Variants in GABBR2 observed in about 807,000 individuals in gnomAD.
GABBR2 encodes gamma-aminobutyric acid type B receptor subunit 2.
A neutral mutation model predicts 105.6 loss-of-function variants in GABBR2; 23 were observed. The observed-to-expected ratio is 0.22, with a 90% confidence interval of 0.16 to 0.31. The LOEUF is 0.31. Among genes scored for constraint, GABBR2 ranks in the 10% least tolerant of loss-of-function variants. The pLI, the probability that GABBR2 is intolerant of heterozygous loss-of-function variation, is 1.00. For missense variants in GABBR2, 734 were observed against 1,245.5 expected (o/e 0.59, Z 6.18); for synonymous variants, 478 against 499.7 (o/e 0.96, Z 0.58).
chr9:98,510,955 C>A (rs11787931), intron 3 of GABBR2, among the ~76,000 whole-genome samples: 16 of 151,774 alleles, frequency 1.1e-4, no homozygotes, highest in African/African-American at 3.4e-4. Context: ...AATATACATT[C>A]TTTTCAGCAC....
chr9:98,628,784 A>C (rs962930101), intron 1 of GABBR2, among the ~76,000 whole-genome samples: 3 of 152,026 alleles, frequency 2.0e-5, no homozygotes, highest in Non-Finnish European at 4.4e-5. Flanking sequence ...TATATGATGG[A>C]GTGTGTGTCC....
intron 1 of GABBR2, among the ~76,000 whole-genome samples, chr9:98,598,513 G>T (rs1020100494): frequency 5.4e-4 from 82 of 152,016 alleles, no homozygotes; most frequent in African/African-American, 1.7e-3. Context: ...ATGCGGCATT[G>T]TTGTCTCTGT....
At chr9:98,370,935 T>G (rs1436895214) in intron 12 of GABBR2, among the ~76,000 whole-genome samples, 1 of 152,136 alleles carries the variant, frequency 6.6e-6, no homozygotes, top group Non-Finnish European at 1.5e-5. Context: ...GTACCAGCCC[T>G]GTTTCACTCC....
chr9:98,634,811 T>C (rs1226494968), intron 1 of GABBR2, among the ~76,000 whole-genome samples: 2 of 152,176 alleles, frequency 1.3e-5, no homozygotes, highest in Non-Finnish European at 2.9e-5. Context: ...CGAGTGATCC[T>C]TGGAACTGGA....
intron 8 of GABBR2, among the ~76,000 whole-genome samples, chr9:98,401,658 C>A (rs1832396742): frequency 6.6e-6 from 1 of 152,062 alleles, no homozygotes; most frequent in African/African-American, 2.4e-5. Flanking sequence ...CTTTCCAGAC[C>A]CATGACTTGG....
chr9:98,565,668 G>A (rs1034520885), intron 2 of GABBR2, among the ~76,000 whole-genome samples: 1 of 152,158 alleles, frequency 6.6e-6, no homozygotes, highest in Non-Finnish European at 1.5e-5. Flanking sequence ...GGAGGAAGAA[G>A]GAAGGCAATG....
In GABBR2 at chr9:98,607,335, A is replaced by G. The variant is rs1829441082; in HGVS notation, c.322-29263T>C. 6.6e-6 allele frequency: 5 copies of G among 762,632 alleles called. No homozygotes were observed. In the South Asian group the frequency reaches 7.2e-5, roughly 11 times the overall value. The allele number at this position is 762,632 out of a possible 1,614,324, so 47.2% of individuals were successfully genotyped here. A position where few individuals can be genotyped will look rare whatever the true frequency, so the allele number is the denominator to read the frequency against. On this transcript the variant is annotated intron_variant, in intron 1 of 18. Transcript: ENST00000259455. ...GTTTATACTTCATTGCTCCTTCAGG[A>G]CATGGACTTAAACCATTGAATATTG...
At position 98,600,892 on chromosome 9, in the gene GABBR2, C is replaced by A. The variant is rs1390330126; in HGVS notation, c.322-22820G>T. Among the ~76,000 whole-genome samples the A allele has an allele frequency of 2.6e-5, 4 of 152,182 alleles. No individual in the cohort carries two copies. The East Asian group carries it at 7.7e-4, about 29-fold the overall frequency. The stretch of plus-strand genomic sequence containing the variant: ...GCTACCTCCCCTCTGCTGGTCACCT[C>A]CCTTCAGAGTGATCTCCCTAAAATG... On this transcript the variant is annotated intron_variant, in intron 1 of 18. Transcript: ENST00000259455.
intron 3 of GABBR2, among the ~76,000 whole-genome samples, chr9:98,511,179 C>CATGAAA (rs1300179258): frequency 2.8e-4 from 43 of 151,952 alleles, no homozygotes; most frequent in African/African-American, 9.9e-4. Context: ...GAAATGAAGG[C>CATGAAA]AGAAATAAAG....
chr9:98,564,039 C>CAA (rs386415602), intron 2 of GABBR2, among the ~76,000 whole-genome samples: 1 of 152,060 alleles, frequency 6.6e-6, no homozygotes, highest in Non-Finnish European at 1.5e-5. Flanking sequence ...TTTTTATACA[C>CAA]AAGTTACTGA....
chr9:98,634,740 T>C (rs1297480944), intron 1 of GABBR2, among the ~76,000 whole-genome samples: 13 of 152,120 alleles, frequency 8.5e-5, no homozygotes, highest in Non-Finnish European at 1.8e-4. Context: ...AATGATAGAC[T>C]ATACTATCCC....
chr9:98,584,799 C>A (rs915882457), intron 1 of GABBR2, among the ~76,000 whole-genome samples: 7 of 152,122 alleles, frequency 4.6e-5, no homozygotes, highest in Non-Finnish European at 1.0e-4. Flanking sequence ...CTAATGTGTC[C>A]AACCTGCCCC....
At chr9:98,326,734 G>A (rs1318631232) in intron 13 of GABBR2, among the ~76,000 whole-genome samples, 2 of 152,186 alleles carry the variant, frequency 1.3e-5, no homozygotes, top group African/African-American at 4.8e-5. Flanking sequence ...AGATTTAGAG[G>A]TTCCTTATTG....
At chr9:98,443,223 C>CT (rs1029959183) in intron 7 of GABBR2, among the ~76,000 whole-genome samples, 1 of 152,180 alleles carries the variant, frequency 6.6e-6, no homozygotes, top group African/African-American at 2.4e-5. Flanking sequence ...GGAGCCTCCT[C>CT]TTTGTTTCTC....
In GABBR2 at chr9:98,593,747, C is replaced by T. The variant is rs374192552; in HGVS notation, c.322-15675G>A. On this transcript the variant is annotated intron_variant, in intron 1 of 18. Transcript: ENST00000259455. The stretch of plus-strand genomic sequence containing the variant: ...TCCCCCATGTGCAAACACCCACTGG[C>T]CGCCTGCTCACAGATGAAGGGGGGC... Among the ~76,000 whole-genome samples the T allele has an allele frequency of 7.0e-4, 107 of 152,300 alleles. 1 individual carries two copies. The highest frequency in any genetic ancestry group is 2.4e-3 in the African/African-American group (100 of 41,554).
chr9:98,708,541 T>C lies in GABBR2; in HGVS notation c.197A>G (p.Lys66Arg). The change falls in exon 1 of 19, where the codon AAG becomes AGG. Residue 66 changes from lysine to arginine, a missense_variant. By Grantham distance (26) the Lys-to-Arg change is conservative (BLOSUM62 2). Transcript: ENST00000259455. The part of the protein sequence containing the change: ...LSIMGLMPLT[K>R]EVAKGSIGRG... Reference sequence around the variant, plus strand: ...CCCGATGCTGCCCTTGGCCACCTCCTTGGTGAGCGGCATGAGGCCCATGAT... The same window carrying C: ...CCCGATGCTGCCCTTGGCCACCTCCCTGGTGAGCGGCATGAGGCCCATGAT... 6.3e-7 allele frequency: 1 copy of C among 1,595,472 alleles called. No individual in the cohort carries two copies. Among genetic ancestry groups the C allele is most frequent in the Non-Finnish European group, 8.5e-7 (1 of 1,174,766 alleles).
rs138927834 is a variant in GABBR2, at chr9:98,553,485, G to A, written c.460-11442C>T. Among the ~76,000 whole-genome samples the A allele has an allele frequency of 3.0e-3, 457 of 152,124 alleles. 4 individuals are homozygous for A. The Middle Eastern group carries it at 0.031, about 10-fold the overall frequency. ...TTCGAGTTTGTGGTCTCAGCTACTCGGGAGGCTGAGGCAGGAGAATCAACT... is the reference window on the plus strand; with the variant it reads ...TTCGAGTTTGTGGTCTCAGCTACTCAGGAGGCTGAGGCAGGAGAATCAACT... On this transcript the variant is annotated intron_variant, in intron 2 of 18. Coordinates refer to ENST00000259455, the MANE Select transcript of GABBR2 (RefSeq NM_005458.8).
chr9:98,290,839 A>G, intron 18 of GABBR2, 90 bp from the exon 19 acceptor site: 1 of 789,882 alleles, frequency 1.3e-6, no homozygotes, highest in Non-Finnish European at 1.9e-6. Context: ...AAAAAAGCTG[A>G]TGACAGGAGC....
intron 2 of GABBR2, among the ~76,000 whole-genome samples, chr9:98,558,812 C>T (rs1828625547): frequency 1.3e-5 from 2 of 152,240 alleles, no homozygotes; most frequent in South Asian, 4.1e-4. Context: ...GGAGTTGTCA[C>T]TGTGACAGCA....
Sources: allele counts gnomAD v4.1 joint callset (sites outside exome capture counted in the v4.1 genomes callset), GRCh38; gene constraint gnomAD v4.1.1; transcripts MANE v1.5; gene names NCBI Gene and HGNC (gene_info 2026-07-23, HGNC 2026-07-21).